FOXN1: variants seen among roughly 807,000 people sequenced by gnomAD.
FOXN1 encodes forkhead box N1, also known as forkhead box protein N1.
A neutral mutation model predicts 49.0 loss-of-function variants in FOXN1; 15 were observed. That is an observed-to-expected ratio of 0.31 (90% confidence interval 0.20 to 0.47). FOXN1 has a LOEUF of 0.47. Ranked by LOEUF, FOXN1 falls within the 20% of genes least tolerant of loss-of-function variation. The pLI is 1.00. For missense variants in FOXN1, 800 were observed against 842.8 expected (o/e 0.95, Z 0.63); for synonymous variants, 356 against 369.0 (o/e 0.96, Z 0.40).
At chr17:28,507,649 T>G (rs577355709) in intron 1 of FOXN1, among the ~76,000 whole-genome samples, 88 of 152,336 alleles carry the variant, frequency 5.8e-4, no homozygotes, top group African/African-American at 2.1e-3. Flanking sequence ...AGGGTCCAGC[T>G]CTGCTTGCCC....
In FOXN1 at chr17:28,527,372, G is replaced by T; in HGVS notation, c.699+11G>T. 1 of 1,521,978 alleles carries T rather than the reference G, an allele frequency of 6.6e-7. No individual in the cohort carries two copies. The highest frequency in any genetic ancestry group is 9.1e-7 in the Non-Finnish European group (1 of 1,097,588). The allele number at this position is 1,521,978 out of a possible 1,614,324, so 94.3% of individuals were successfully genotyped here. ...CCCCCCTTCCACCAGGTGGGTCTGG[G>T]GCAAGTGGGCCTGCTTCCCCCAGGT... On this transcript the variant is annotated intron_variant, in intron 4 of 8. Transcript: ENST00000579795.
intron 1 of FOXN1, among the ~76,000 whole-genome samples, chr17:28,509,159 T>C (rs1316041076): frequency 2.0e-5 from 3 of 151,870 alleles, no homozygotes; most frequent in African/African-American, 4.8e-5. Flanking sequence ...CCAGAATACA[T>C]TGGGTCTTTC....
intron 1 of FOXN1, among the ~76,000 whole-genome samples, chr17:28,522,539 CTT>C (rs1567876511): frequency 1.3e-5 from 2 of 152,144 alleles, no homozygotes; most frequent in South Asian, 4.1e-4. Context: ...CCCAGCTACT[CTT>C]GAGGCTGAGG....
At chr17:28,520,733 G>C (rs2069624467) in intron 1 of FOXN1, among the ~76,000 whole-genome samples, 1 of 152,212 alleles carries the variant, frequency 6.6e-6, no homozygotes, top group African/African-American at 2.4e-5. Context: ...GTGCAAGAAT[G>C]GGGTGAGGCC....
intron 3 of FOXN1, 95 bp downstream of exon 3, chr17:28,525,062 T>G: frequency 1.0e-6 from 1 of 998,362 alleles, no homozygotes; most frequent in Non-Finnish European, 1.5e-6. Context: ...AAGTCCCACC[T>G]TCTCTTTGCA....
At chr17:28,525,040 C>A in intron 3 of FOXN1, 73 bp downstream of exon 3, 2 of 1,181,676 alleles carry the variant, frequency 1.7e-6, no homozygotes, top group Non-Finnish European at 2.4e-6. Flanking sequence ...AAGAGTCAGA[C>A]CTCTGAGACC....
At chr17:28,511,793 G>T (rs1380499987) in intron 1 of FOXN1, among the ~76,000 whole-genome samples, 2 of 152,034 alleles carry the variant, frequency 1.3e-5, no homozygotes, top group Admixed American at 6.6e-5. Flanking sequence ...TCACTGTGAG[G>T]GAAAAGGGGG....
At position 28,535,042 on chromosome 17, in the gene FOXN1, T is replaced by C. The variant is rs772251699; in HGVS notation, c.1471T>C (p.Ser491Pro). The C allele has an allele frequency of 9.3e-6, 15 of 1,612,622 alleles. No individual in the cohort carries two copies. In the South Asian group the frequency reaches 1.5e-4, roughly 17 times the overall value. The change falls in exon 8 of 9, where the codon TCG becomes CCG. Residue 491 changes from serine (S) to proline (P), a missense_variant. This residue lies in a region of FOXN1 where 344 missense variants were observed against 366.1 expected (regional missense o/e 0.94). Transcript: ENST00000579795. Reference sequence around the variant, plus strand: ...GGCCCAGCCAGGCACCCCCCAGGACTCGCCTCTGCCTGCCCACACCCCACC... The same window carrying C: ...GGCCCAGCCAGGCACCCCCCAGGACCCGCCTCTGCCTGCCCACACCCCACC... ...LRAQPGTPQD[S>P]PLPAHTPPSH...
Position 28,538,743 on chromosome 17 carries a change from C to T in FOXN1, c.*1307C>T, listed in dbSNP as rs920439439. The T allele has an allele frequency of 2.2e-4, 33 of 152,418 alleles. No individual in the cohort carries two copies. Among genetic ancestry groups the T allele is most frequent in the African/African-American group, 7.9e-4 (33 of 41,582 alleles). 9.4% of individuals were successfully genotyped at this position (152,418 alleles called of 1,614,324 possible). A position where few individuals can be genotyped will look rare whatever the true frequency, so the allele number is the denominator to read the frequency against. On this transcript the variant is annotated 3_prime_UTR_variant, in exon 9 of 9. Transcript: ENST00000579795. ...GCCCAGGTGCCTGCCATGAGCCTGA[C>T]CCCATCGAGGGGGAACCTCAGCCCA...
At chr17:28,510,407 C>T (rs2151473932) in intron 1 of FOXN1, among the ~76,000 whole-genome samples, 1 of 152,084 alleles carries the variant, frequency 6.6e-6, no homozygotes, top group Admixed American at 6.5e-5. Flanking sequence ...CGCGCACGCA[C>T]ACACACAGAA....
At chr17:28,521,016 G>T (rs2151483539) in intron 1 of FOXN1, among the ~76,000 whole-genome samples, 1 of 152,322 alleles carries the variant, frequency 6.6e-6, no homozygotes, top group Middle Eastern at 3.4e-3. Flanking sequence ...GGCCCCTGCA[G>T]CCACACTTGG....
intron 1 of FOXN1, among the ~76,000 whole-genome samples, chr17:28,519,920 G>T (rs2069605787): frequency 6.6e-6 from 1 of 152,096 alleles, no homozygotes; most frequent in African/African-American, 2.4e-5. Flanking sequence ...TTCCCTTCCT[G>T]ATGCTCCCGA....
chr17:28,522,590 T>C (rs1170042761), intron 1 of FOXN1, among the ~76,000 whole-genome samples: 1 of 152,054 alleles, frequency 6.6e-6, no homozygotes, highest in Non-Finnish European at 1.5e-5. Flanking sequence ...GAGGTTGAAG[T>C]GAGCCGAGAG....
chr17:28,524,538 C>A lies in FOXN1; in HGVS notation c.159C>A (p.Ser53=). The A allele has an allele frequency of 1.2e-6, 2 of 1,613,760 alleles. No individual in the cohort carries two copies. The highest frequency in any genetic ancestry group is 3.3e-4 in the Middle Eastern group (2 of 6,062). ...GCTTCAGCTGCTCGTCATTTGTGTC[C>A]GACGGCCCTCCAGAGAGGACACCCT... ...HAGFSCSSFV[S]DGPPERTPSL... is the part of the protein sequence containing the mutation. The change falls in exon 3 of 9, where the codon TCC becomes TCA. Residue 53 remains serine (S), a synonymous_variant. Coordinates refer to ENST00000579795, the MANE Select transcript of FOXN1 (RefSeq NM_001369369.1).
intron 8 of FOXN1, 113 bp downstream of exon 8, chr17:28,535,311 G>A: frequency 1.7e-6 from 2 of 1,205,726 alleles, no homozygotes; most frequent in Non-Finnish European, 1.2e-6. Flanking sequence ...CTGGGTTTCT[G>A]GTCAACTGAA....
At chr17:28,526,793 T>G (rs1372902512) in intron 3 of FOXN1, among the ~76,000 whole-genome samples, 1 of 152,184 alleles carries the variant, frequency 6.6e-6, no homozygotes, top group Non-Finnish European at 1.5e-5. Flanking sequence ...GACCAGCCTG[T>G]CTGGCCACTA....
Position 28,537,487 on chromosome 17 carries a change from G to A in FOXN1, c.*51G>A. ...GCGTTTGCCTGGTCTGGAAGTCCTGGCCGGCCGCCCACATCGGGCTCACCT... is the reference window on the plus strand; with the variant it reads ...GCGTTTGCCTGGTCTGGAAGTCCTGACCGGCCGCCCACATCGGGCTCACCT... On this transcript the variant is annotated 3_prime_UTR_variant, in exon 9 of 9. Transcript: ENST00000579795. 1.4e-6 allele frequency: 2 copies of A among 1,450,300 alleles called. No homozygotes were observed. Among genetic ancestry groups the A allele is most frequent in the Non-Finnish European group, 1.9e-6 (2 of 1,033,190 alleles). 89.8% of individuals were successfully genotyped at this position (1,450,300 alleles called of 1,614,324 possible). A position where few individuals can be genotyped will look rare whatever the true frequency, so the allele number is the denominator to read the frequency against.
intron 6 of FOXN1, 46 bp downstream of exon 6, chr17:28,530,891 C>T (rs953417623): frequency 9.5e-7 from 1 of 1,052,326 alleles, no homozygotes; most frequent in Non-Finnish European, 1.5e-6. Context: ...AAGTCCTGGA[C>T]AGGCCAGGCC....
At chr17:28,519,635 C>T (rs1043767618) in intron 1 of FOXN1, among the ~76,000 whole-genome samples, 1 of 152,154 alleles carries the variant, frequency 6.6e-6, no homozygotes, top group African/African-American at 2.4e-5. Context: ...AAGGTTGGAC[C>T]TCTATGAAAG....
Sources: gnomAD v4.1 joint callset for allele counts (sites outside exome capture counted in the v4.1 genomes callset) on GRCh38, gnomAD v4.1.1 for gene constraint, gnomAD v4.1.1 regional missense constraint, MANE v1.5 for transcripts, NCBI Gene and HGNC (gene_info 2026-07-23, HGNC 2026-07-21) for gene names.